ZNF385D: variants seen among roughly 807,000 people sequenced by gnomAD.
ZNF385D encodes the protein zinc finger protein 385D, also known as zinc finger protein 659.
In ZNF385D, 15 loss-of-function variants were observed where a neutral mutation model predicts 35.8. That is an observed-to-expected ratio of 0.42 (90% CI 0.28 to 0.64). The LOEUF is 0.64. Among genes scored for constraint, ZNF385D ranks in the 30% least tolerant of loss-of-function variants. The pLI is 0.23. For missense variants in ZNF385D, 474 were observed against 494.6 expected, an observed-to-expected ratio of 0.96 and a Z score of 0.39; for synonymous variants, 212 against 186.8, an observed-to-expected ratio of 1.13 and a Z score of -1.10.
At chr3:21,638,271 T>G (rs1474338409) in intron 2 of ZNF385D, among the ~76,000 whole-genome samples, 1 of 152,022 alleles carries the variant, frequency 6.6e-6, no homozygotes, top group Non-Finnish European at 1.5e-5. Context: ...CTTGACAGCA[T>G]TGTTCTGTTT....
intron 2 of ZNF385D, among the ~76,000 whole-genome samples, chr3:21,568,833 TA>T (rs1294536539): frequency 6.6e-6 from 1 of 152,196 alleles, no homozygotes; most frequent in African/African-American, 2.4e-5. Flanking sequence ...TTCAATACAT[TA>T]GTAGACACCA....
intron 4 of ZNF385D, among the ~76,000 whole-genome samples, chr3:21,453,295 G>A (rs73129496): frequency 0.013 from 2,049 of 151,960 alleles, 50 homozygotes; most frequent in African/African-American, 0.047. Flanking sequence ...AAATATTTGT[G>A]ACCTTGTATT....
At chr3:21,856,109 C>G (rs932624623) in intron 3 of ZNF385D, among the ~76,000 whole-genome samples, 1 of 151,330 alleles carries the variant, frequency 6.6e-6, no homozygotes, top group Non-Finnish European at 1.5e-5. Context: ...TGCTCATTAT[C>G]TGAGAGGAGA....
chr3:22,310,399 T>A (rs1320568967), intron 2 of ZNF385D, among the ~76,000 whole-genome samples: 3 of 151,928 alleles, frequency 2.0e-5, no homozygotes, highest in Admixed American at 6.6e-5. Flanking sequence ...ATAACTAAAA[T>A]CTCTGATAAC....
At chr3:22,059,201 G>A (rs889942385) in intron 3 of ZNF385D, among the ~76,000 whole-genome samples, 2 of 152,130 alleles carry the variant, frequency 1.3e-5, no homozygotes, top group African/African-American at 4.8e-5. Flanking sequence ...TCAGGACTGA[G>A]CATTAATTTA....
upstream of ZNF385D, among the ~76,000 whole-genome samples, chr3:21,754,536 T>A (rs1377263704): frequency 6.6e-6 from 1 of 152,174 alleles, no homozygotes; most frequent in Non-Finnish European, 1.5e-5. Flanking sequence ...TGTTCTAAGA[T>A]CCGGGTAGCT....
At chr3:21,980,175 C>G (rs1559814283) in intron 3 of ZNF385D, among the ~76,000 whole-genome samples, 1 of 152,098 alleles carries the variant, frequency 6.6e-6, no homozygotes, top group Non-Finnish European at 1.5e-5. Context: ...TGCCAACAAC[C>G]AACAGTAACT....
intron 3 of ZNF385D, among the ~76,000 whole-genome samples, chr3:21,967,750 G>A (rs1322394167): frequency 2.6e-5 from 4 of 152,234 alleles, no homozygotes; most frequent in Admixed American, 6.5e-5. Flanking sequence ...TTTAGGACTT[G>A]AGTGACCAAA....
At chr3:22,245,490 A>G (rs1699727168) in intron 2 of ZNF385D, among the ~76,000 whole-genome samples, 1 of 152,054 alleles carries the variant, frequency 6.6e-6, no homozygotes. Flanking sequence ...AAAAAAAAAA[A>G]AAAAAATACA....
intron 3 of ZNF385D, among the ~76,000 whole-genome samples, chr3:22,158,902 T>C (rs970068292): frequency 6.6e-6 from 1 of 152,064 alleles, no homozygotes; most frequent in Non-Finnish European, 1.5e-5. Flanking sequence ...ACTAGCTCCA[T>C]TACCTTGGGA....
intron 2 of ZNF385D, among the ~76,000 whole-genome samples, chr3:22,200,769 C>G (rs141568079): frequency 1.3e-5 from 2 of 152,154 alleles, no homozygotes; most frequent in African/African-American, 4.8e-5. Flanking sequence ...TACCCCCAGG[C>G]GCCTATTCTC....
intron 2 of ZNF385D, among the ~76,000 whole-genome samples, chr3:21,583,951 C>CTTATTTATTTAT (rs1287837812): frequency 0.21 from 27,786 of 132,188 alleles, 2,843 homozygotes; most frequent in Admixed American, 0.26. Flanking sequence ...ATTTATTTTA[C>CTTATTTATTTAT]TTATTTACTT....
intron 3 of ZNF385D, among the ~76,000 whole-genome samples, chr3:21,775,605 G>C (rs528655824): frequency 6.6e-6 from 1 of 151,716 alleles, no homozygotes; most frequent in African/African-American, 2.4e-5. Flanking sequence ...GAAGTCTTCC[G>C]TAACTTATCA....
chr3:21,891,245 ACT>A (rs1268787546), intron 3 of ZNF385D, among the ~76,000 whole-genome samples: 1 of 152,092 alleles, frequency 6.6e-6, no homozygotes, highest in Non-Finnish European at 1.5e-5. Context: ...CATTGTTAAG[ACT>A]CTCATCGTCA....
chr3:22,277,645 T>C (rs184303951), intron 2 of ZNF385D, among the ~76,000 whole-genome samples: 38 of 152,228 alleles, frequency 2.5e-4, no homozygotes, highest in Admixed American at 3.3e-4. Context: ...CATAATATTA[T>C]GGAAAATAAA....
At chr3:21,837,528 T>C (rs1370411660) in intron 3 of ZNF385D, among the ~76,000 whole-genome samples, 2 of 152,010 alleles carry the variant, frequency 1.3e-5, no homozygotes, top group East Asian at 1.9e-4. Context: ...TTAGATGACA[T>C]GTTTTCTGCA....
intron 2 of ZNF385D, among the ~76,000 whole-genome samples, chr3:21,642,168 C>T (rs1575381865): frequency 1.3e-5 from 2 of 152,242 alleles, no homozygotes; most frequent in Admixed American, 1.3e-4. Flanking sequence ...CACACCTAGT[C>T]CAACCAGTCT....
intron 4 of ZNF385D, among the ~76,000 whole-genome samples, chr3:21,458,061 GA>G (rs953685447): frequency 5.7e-4 from 87 of 152,132 alleles, no homozygotes; most frequent in African/African-American, 2.1e-3. Flanking sequence ...TTCAGCAGCT[GA>G]AAAAAATATT....
intron 3 of ZNF385D, among the ~76,000 whole-genome samples, chr3:21,842,458 G>A (rs190091766): frequency 6.6e-6 from 1 of 152,070 alleles, no homozygotes; most frequent in Admixed American, 6.6e-5. Flanking sequence ...TGACTCATAT[G>A]TGAAAGGCCA....
Sources: gnomAD v4.1 joint callset for allele counts (sites outside exome capture counted in the v4.1 genomes callset) on GRCh38, gnomAD v4.1.1 for gene constraint, MANE v1.5 for transcripts, NCBI Gene and HGNC (gene_info 2026-07-23, HGNC 2026-07-21) for gene names.